The following HS1BP3 variants were observed in gnomAD, a reference collection of about 807,000 sequenced individuals.
HS1BP3 encodes HCLS1 binding protein 3.
A neutral mutation model predicts 33.5 loss-of-function variants in HS1BP3; 32 were observed. The observed-to-expected ratio is 0.95, with a 90% CI of 0.72 to 1.28. The LOEUF is 1.28. Among genes scored for constraint, HS1BP3 ranks in the 50% most tolerant of loss-of-function variants. The pLI, the probability that HS1BP3 is intolerant of heterozygous loss-of-function variation, is 0.00. For synonymous variants in HS1BP3, 187 were observed against 209.2 expected, an observed-to-expected ratio of 0.89 and a Z score of 0.92; for missense variants, 486 against 502.3, an observed-to-expected ratio of 0.97 and a Z score of 0.31.
intron 5 of HS1BP3, among the ~76,000 whole-genome samples, chr2:20,587,307 A>G (rs1693704470): frequency 6.6e-6 from 1 of 152,202 alleles, no homozygotes; most frequent in Admixed American, 6.5e-5. Flanking sequence ...GTACGAGCCC[A>G]CTCTTAGGAA....
chr2:20,563,506 C>T (rs181742453), intron 5 of HS1BP3, among the ~76,000 whole-genome samples: 34 of 152,336 alleles, frequency 2.2e-4, no homozygotes, highest in African/African-American at 7.7e-4. Context: ...GGAGCTTCTA[C>T]AGGCAAAAGC....
intron 4 of HS1BP3, among the ~76,000 whole-genome samples, chr2:20,626,059 T>G (rs1364786321): frequency 6.6e-6 from 1 of 152,168 alleles, no homozygotes; most frequent in Non-Finnish European, 1.5e-5. Flanking sequence ...CTGAGGTCAC[T>G]ATGTGAGGTC....
chr2:20,646,145 T>C (rs1695513931), intron 1 of HS1BP3, among the ~76,000 whole-genome samples: 1 of 152,246 alleles, frequency 6.6e-6, no homozygotes, highest in South Asian at 2.1e-4. Context: ...AATTGTATGA[T>C]GAGCAAAGAA....
In HS1BP3 at chr2:20,606,704, A is replaced by T. The variant is rs1694187650; in HGVS notation, c.179-8439T>A. The T allele has an allele frequency of 1.1e-5, 3 of 266,938 alleles. No homozygotes were observed. In the South Asian group the frequency reaches 1.4e-4, roughly 13 times the overall value. 16.5% of individuals were successfully genotyped at this position (266,938 alleles called of 1,614,324 possible). On this transcript the variant is annotated intron_variant, in intron 2 of 3. Coordinates refer to the HS1BP3 transcript ENST00000415264. ...AACGCTACAGCCTCGCTAAGATGTC[A>T]GACAAAAAGACACTGAACATATTTT...
At chr2:20,617,252 G>C (rs371711144), downstream of HS1BP3, among the ~76,000 whole-genome samples, 4 of 152,182 alleles carry the variant, frequency 2.6e-5, no homozygotes, top group African/African-American at 9.7e-5. Context: ...GAGACCTTCC[G>C]CTGCAGTCAG....
chr2:20,649,097 A>G (rs1695607037), intron 1 of HS1BP3, among the ~76,000 whole-genome samples: 1 of 152,260 alleles, frequency 6.6e-6, no homozygotes, highest in Non-Finnish European at 1.5e-5. Flanking sequence ...CATGCTCAGC[A>G]TAGCAGCCAA....
intron 5 of HS1BP3, among the ~76,000 whole-genome samples, chr2:20,564,624 C>A (rs1219680276): frequency 6.6e-6 from 1 of 152,110 alleles, no homozygotes; most frequent in Non-Finnish European, 1.5e-5. Flanking sequence ...ACTGGGACTA[C>A]CAGCATGTAC....
At chr2:20,628,240 T>C (rs1694851632) in intron 4 of HS1BP3, among the ~76,000 whole-genome samples, 1 of 152,006 alleles carries the variant, frequency 6.6e-6, no homozygotes, top group Non-Finnish European at 1.5e-5. Context: ...GGAACAAAGA[T>C]GAGGACGAGC....
At chr2:20,641,241 AC>A in intron 2 of HS1BP3, 61 bp from the exon 3 acceptor site, 7 of 1,485,362 alleles carry the variant, frequency 4.7e-6, no homozygotes, top group Non-Finnish European at 5.5e-6. Context: ...CTCCTTTCTC[AC>A]CCCGACCAGG....
chr2:20,648,277 C>T (rs766835070), intron 1 of HS1BP3, among the ~76,000 whole-genome samples: 26 of 152,192 alleles, frequency 1.7e-4, no homozygotes, highest in Admixed American at 4.6e-4. Context: ...CAGAACTCCT[C>T]AACAGAGGGC....
intron 5 of HS1BP3, among the ~76,000 whole-genome samples, chr2:20,587,353 A>T (rs115059183): frequency 2.0e-5 from 3 of 152,328 alleles, no homozygotes; most frequent in Non-Finnish European, 2.9e-5. Context: ...AGCTACATAG[A>T]AACATGATGG....
chr2:20,647,412 T>C (rs1175643987), intron 1 of HS1BP3, among the ~76,000 whole-genome samples: 2 of 152,230 alleles, frequency 1.3e-5, no homozygotes, highest in East Asian at 3.8e-4. Context: ...GGTGTAAACA[T>C]GCAGCCTGGT....
intron 5 of HS1BP3, among the ~76,000 whole-genome samples, chr2:20,582,201 G>T (rs946485340): frequency 3.3e-5 from 5 of 152,228 alleles, no homozygotes; most frequent in African/African-American, 9.6e-5. Context: ...TGGAGGCGAA[G>T]GCTCCCATTC....
At chr2:20,583,954 G>T (rs1007717719) in intron 5 of HS1BP3, among the ~76,000 whole-genome samples, 2 of 152,192 alleles carry the variant, frequency 1.3e-5, no homozygotes, top group African/African-American at 4.8e-5. Flanking sequence ...ACGGCTCCGG[G>T]TTTCTGAATG....
intron 1 of HS1BP3, among the ~76,000 whole-genome samples, chr2:20,650,729 C>A (rs1431307136): frequency 6.6e-6 from 1 of 152,186 alleles, no homozygotes; most frequent in Non-Finnish European, 1.5e-5. Flanking sequence ...GAACCCAAGG[C>A]GGTAGGAAAG....
chr2:20,633,332 T>C (rs11900927), intron 4 of HS1BP3, among the ~76,000 whole-genome samples: 5,231 of 152,290 alleles, frequency 0.034, 317 homozygotes, highest in African/African-American at 0.12. Flanking sequence ...GATCCAGTCC[T>C]CACTTGTCCC....
At chr2:20,590,381 T>C (rs1477322535), downstream of HS1BP3, among the ~76,000 whole-genome samples, 1 of 151,996 alleles carries the variant, frequency 6.6e-6, no homozygotes, top group Admixed American at 6.5e-5. Flanking sequence ...GAGGCTGGAG[T>C]CACCTTCTAT....
At chr2:20,610,776 T>G (rs1173071927) in intron 2 of HS1BP3, among the ~76,000 whole-genome samples, 1 of 152,254 alleles carries the variant, frequency 6.6e-6, no homozygotes, top group African/African-American at 2.4e-5. Flanking sequence ...GGTAAGAGTA[T>G]GTTCAGTTTT....
Position 20,624,810 on chromosome 2 carries a change from C to G in HS1BP3, c.706G>C (p.Asp236His), listed in dbSNP as rs1271137176. The G allele has an allele frequency of 6.2e-7, 1 of 1,613,856 alleles. No individual in the cohort carries two copies. The change falls in exon 5 of 7, where the codon GAC (aspartate) becomes CAC (histidine). Residue 236 changes from aspartate to histidine, a missense_variant. Coordinates refer to ENST00000304031, the MANE Select transcript of HS1BP3 (RefSeq NM_022460.4). ...GGGCCAAAGAGCCCCTCATCAGGGT[C>G]CACCTCCTCGTCAAAGATGGTGAGC... ...PRLTIFDEEV[D>H]PDEGLFGPGR...
Sources: allele counts gnomAD v4.1 joint callset (sites outside exome capture counted in the v4.1 genomes callset), GRCh38; gene constraint gnomAD v4.1.1; transcripts MANE v1.5; gene names NCBI Gene and HGNC (gene_info 2026-07-23, HGNC 2026-07-21).